KDM4C: variants seen among roughly 807,000 people sequenced by gnomAD.
KDM4C encodes lysine demethylase 4C.
In KDM4C, 81 loss-of-function variants were observed where a neutral mutation model predicts 129.3. The observed-to-expected ratio is 0.63, with a 90% CI of 0.52 to 0.75. KDM4C has a LOEUF of 0.75. Ranked by LOEUF, KDM4C falls within the 30% of genes least tolerant of loss-of-function variation. The probability of loss-of-function intolerance (pLI) is 0.00; values close to 1 mark genes in which losing one functional copy is unlikely to be tolerated. For synonymous variants in KDM4C, 573 were observed against 456.1 expected (o/e 1.26, Z -3.26); for missense variants, 1,457 against 1,304.0 (o/e 1.12, Z -1.81).
At chr9:7,045,438 C>A (rs190445557) in intron 15 of KDM4C, among the ~76,000 whole-genome samples, 1 of 152,104 alleles carries the variant, frequency 6.6e-6, no homozygotes, top group Non-Finnish European at 1.5e-5. Flanking sequence ...CCTCCTCTTT[C>A]TCTGTAGAAA....
At chr9:7,170,116 A>G (rs1844814172) in intron 21 of KDM4C, 3 of 1,421,328 alleles carry the variant, frequency 2.1e-6, no homozygotes, top group East Asian at 2.8e-5. Context: ...AAGTCACATG[A>G]TGCTTCTTTG....
intron 17 of KDM4C, among the ~76,000 whole-genome samples, chr9:7,051,660 C>CT (rs1830169296): frequency 6.6e-6 from 1 of 152,136 alleles, no homozygotes; most frequent in East Asian, 1.9e-4. Context: ...ATATATGTGT[C>CT]TGCCAGTGTC....
In KDM4C at chr9:7,049,217, CT is replaced by C; in HGVS notation, c.2424+23del. 2.3e-6 allele frequency: 3 copies of C among 1,312,474 alleles called. No individual in the cohort carries two copies. Among genetic ancestry groups the C allele is most frequent in the Non-Finnish European group, 3.3e-6 (3 of 914,432 alleles). 81.3% of individuals were successfully genotyped at this position (1,312,474 alleles called of 1,614,324 possible). On this transcript the variant is annotated intron_variant, in intron 17 of 21. Transcript: ENST00000381309. The stretch of plus-strand genomic sequence containing the variant: ...TTAAAATTGGTGAGTGGCAAAGCTT[CT>C]TTTTTACCTCATAAATTAGTGTTAA...
At chr9:7,037,506 T>C (rs1827859075) in intron 15 of KDM4C, among the ~76,000 whole-genome samples, 3 of 152,220 alleles carry the variant, frequency 2.0e-5, no homozygotes. Flanking sequence ...TTCCATGGTT[T>C]AATAACTGAG....
chr9:6,802,738 C>T (rs934584172), intron 2 of KDM4C, among the ~76,000 whole-genome samples: 1 of 152,176 alleles, frequency 6.6e-6, no homozygotes, highest in African/African-American at 2.4e-5. Context: ...TCCGGAGGAG[C>T]TTGGACTACA....
Position 7,040,084 on chromosome 9 carries a change from A to G in KDM4C, c.2260-6778A>G, listed in dbSNP as rs143782922. Among the ~76,000 whole-genome samples, 103 of 152,212 alleles carry G rather than the reference A, an allele frequency of 6.8e-4. 3 individuals are homozygous for G. In the East Asian group the frequency reaches 0.018, roughly 26 times the overall value. Reference sequence around the variant, plus strand: ...AAGTGGTTGCCAAAAATTACAATTTACATTTTTGAATGAGCACACTCTGCC... The same window carrying G: ...AAGTGGTTGCCAAAAATTACAATTTGCATTTTTGAATGAGCACACTCTGCC... On this transcript the variant is annotated intron_variant, in intron 15 of 21. Coordinates refer to ENST00000381309, the MANE Select transcript of KDM4C (RefSeq NM_015061.6).
At position 7,068,686 on chromosome 9, in the gene KDM4C, C is replaced by CTTTTTTT. The variant is rs542039227; in HGVS notation, c.2424+19507_2424+19513dup. 5.5e-4 allele frequency among the ~76,000 whole-genome samples: 56 copies of CTTTTTTT among 101,736 alleles called. 2 individuals carry two copies. Among genetic ancestry groups the CTTTTTTT allele is most frequent in the African/African-American group, 2.1e-3 (55 of 25,914 alleles). The allele number at this position is 101,736 out of a possible 152,430, so 66.7% of individuals were successfully genotyped here. ...TTCATACATGTTTATGATGCCCTTT[C>CTTTTTTT]TTTTTTTTTTTTTTTTTTTTTTTTT... On this transcript the variant is annotated intron_variant, in intron 17 of 21. Coordinates refer to ENST00000381309, the MANE Select transcript of KDM4C (RefSeq NM_015061.6).
At chr9:7,023,826 G>C (rs974932693) in intron 15 of KDM4C, among the ~76,000 whole-genome samples, 2 of 151,962 alleles carry the variant, frequency 1.3e-5, no homozygotes, top group Non-Finnish European at 2.9e-5. Context: ...TTGGTGTGTT[G>C]TGTTTCTGTT....
intron 4 of KDM4C, chr9:6,835,650 G>C: frequency 1.3e-6 from 1 of 756,480 alleles, no homozygotes; most frequent in Non-Finnish European, 2.4e-6. Context: ...AGATGAGATT[G>C]GCATGGCTTT....
intron 9 of KDM4C, chr9:6,982,615 G>A (rs964342778): frequency 2.0e-5 from 3 of 152,204 alleles, no homozygotes; most frequent in African/African-American, 7.2e-5. Flanking sequence ...TTTGATAACT[G>A]TGTTAATTCA....
chr9:6,793,541 T>C (rs1194153250), intron 2 of KDM4C, among the ~76,000 whole-genome samples: 3 of 150,918 alleles, frequency 2.0e-5, no homozygotes, highest in South Asian at 2.1e-4. Context: ...TTTCTTTCTT[T>C]CTTTTTTTTT....
At position 6,792,970 on chromosome 9, in the gene KDM4C, A is replaced by C; in HGVS notation, c.-17-2A>C. On this transcript the variant is annotated splice_acceptor_variant, in intron 1 of 21. Coordinates refer to ENST00000381309, the MANE Select transcript of KDM4C (RefSeq NM_015061.6). LOFTEE classifies it low-confidence loss of function (5UTR_SPLICE). Reference sequence around the variant, plus strand: ...CTGTTGACCCTACTGTCTTCTCTCCAGACACTGCCCTAACCATCATGGAGG... The same window carrying C: ...CTGTTGACCCTACTGTCTTCTCTCCCGACACTGCCCTAACCATCATGGAGG... The C allele has an allele frequency of 6.2e-7, 1 of 1,614,056 alleles. No homozygotes were observed. Among genetic ancestry groups the C allele is most frequent in the Non-Finnish European group, 8.5e-7 (1 of 1,179,968 alleles).
intron 1 of KDM4C, among the ~76,000 whole-genome samples, chr9:6,727,864 A>T (rs820518): frequency 1.3e-5 from 2 of 150,412 alleles, no homozygotes; most frequent in African/African-American, 4.9e-5. Flanking sequence ...CTGAAATCAC[A>T]TGCCTATGTA....
At chr9:7,048,236 G>A (rs1285284338) in intron 16 of KDM4C, among the ~76,000 whole-genome samples, 3 of 152,022 alleles carry the variant, frequency 2.0e-5, no homozygotes, top group Non-Finnish European at 2.9e-5. Context: ...AGTGTTTTCT[G>A]TGGAATGATA....
intron 5 of KDM4C, among the ~76,000 whole-genome samples, chr9:6,859,311 G>A (rs905541475): frequency 2.6e-5 from 4 of 151,206 alleles, no homozygotes; most frequent in African/African-American, 9.7e-5. Context: ...CCCTGTCTCT[G>A]CTAAAACACA....
intron 20 of KDM4C, among the ~76,000 whole-genome samples, chr9:7,168,119 C>T (rs1001830129): frequency 1.3e-5 from 2 of 152,122 alleles, no homozygotes; most frequent in Admixed American, 1.3e-4. Flanking sequence ...ACCCAGGAGG[C>T]AGAGGTTGCA....
chr9:6,844,654 G>A (rs1837536056), intron 4 of KDM4C, among the ~76,000 whole-genome samples: 1 of 152,140 alleles, frequency 6.6e-6, no homozygotes, highest in South Asian at 2.1e-4. Flanking sequence ...AGTTAAAGAG[G>A]ACAAAGTTTT....
intron 17 of KDM4C, among the ~76,000 whole-genome samples, chr9:7,049,902 A>G (rs971519882): frequency 6.6e-6 from 1 of 152,142 alleles, no homozygotes; most frequent in Non-Finnish European, 1.5e-5. Flanking sequence ...GTTCAACTGC[A>G]TGACCTTAAT....
intron 11 of KDM4C, among the ~76,000 whole-genome samples, chr9:6,989,672 G>T (rs1016033964): frequency 7.1e-6 from 1 of 141,710 alleles, no homozygotes; most frequent in African/African-American, 2.5e-5. Flanking sequence ...TGTCTTCTCT[G>T]TGAGGATAGA....
Sources: allele counts gnomAD v4.1 joint callset (sites outside exome capture counted in the v4.1 genomes callset), GRCh38; gene constraint gnomAD v4.1.1; transcripts MANE v1.5; gene names NCBI Gene and HGNC (gene_info 2026-07-23, HGNC 2026-07-21).